ATXN1: variants seen among roughly 807,000 people sequenced by gnomAD.
ATXN1 encodes ataxin 1.
Under a neutral mutation model 56.4 loss-of-function variants are expected in ATXN1, and 8 were observed. The observed-to-expected ratio is 0.14, with a 90% confidence interval of 0.08 to 0.26. The LOEUF is 0.26. Among genes scored for constraint, ATXN1 ranks in the 10% least tolerant of loss-of-function variants. ATXN1 has a pLI of 1.00. For missense variants in ATXN1, 987 were observed against 1,106.5 expected, an observed-to-expected ratio of 0.89 and a Z score of 1.53; for synonymous variants, 514 against 494.6, an observed-to-expected ratio of 1.04 and a Z score of -0.52.
At chr6:16,476,292 T>C (rs1296928048) in intron 6 of ATXN1, among the ~76,000 whole-genome samples, 2 of 152,192 alleles carry the variant, frequency 1.3e-5, no homozygotes, top group Non-Finnish European at 2.9e-5. Context: ...AAGAAAAGAA[T>C]ATGAAGCACG....
chr6:16,465,091 A>G (rs958536277), intron 6 of ATXN1, among the ~76,000 whole-genome samples: 2 of 152,150 alleles, frequency 1.3e-5, no homozygotes, highest in African/African-American at 4.8e-5. Context: ...CAACAACAAC[A>G]CTGCACTGAC....
intron 5 of ATXN1, among the ~76,000 whole-genome samples, chr6:16,492,360 C>T (rs1760684504): frequency 6.6e-6 from 1 of 151,726 alleles, no homozygotes; most frequent in African/African-American, 2.4e-5. Flanking sequence ...ACCAGCATGG[C>T]ACATGTATAC....
intron 3 of ATXN1, among the ~76,000 whole-genome samples, chr6:16,628,255 GTTTA>G (rs556416030): frequency 1.2e-3 from 179 of 152,208 alleles, no homozygotes; most frequent in South Asian, 5.8e-3. Context: ...TTGATTTTTG[GTTTA>G]TTTGTTTGTT....
At chr6:16,361,553 C>T (rs1370973001) in intron 6 of ATXN1, among the ~76,000 whole-genome samples, 1 of 152,150 alleles carries the variant, frequency 6.6e-6, no homozygotes. Flanking sequence ...AAAAACGTAA[C>T]TTGTCCCCTA....
At position 16,452,628 on chromosome 6, in the gene ATXN1, G is replaced by T. The variant is rs142525842; in HGVS notation, c.-161+33344C>A. On this transcript the variant is annotated intron_variant, in intron 6 of 7. Transcript: ENST00000436367. Reference sequence around the variant, plus strand: ...GCTGATTTTTTTCCCACTCTCACTGGTGTGAGATTTTAAAGACATTCCTTC... The same window carrying T: ...GCTGATTTTTTTCCCACTCTCACTGTTGTGAGATTTTAAAGACATTCCTTC... Among the ~76,000 whole-genome samples the T allele has an allele frequency of 3.9e-5, 6 of 152,302 alleles. No homozygotes were observed. The East Asian group carries it at 9.6e-4, about 24-fold the overall frequency.
chr6:16,728,821 G>A (rs908761746), intron 2 of ATXN1, among the ~76,000 whole-genome samples: 7 of 152,172 alleles, frequency 4.6e-5, no homozygotes, highest in East Asian at 1.9e-4. Context: ...GATGAGGGAC[G>A]CAGGCACAAC....
intron 3 of ATXN1, among the ~76,000 whole-genome samples, chr6:16,621,107 A>T (rs761196903): frequency 6.6e-6 from 1 of 152,240 alleles, no homozygotes; most frequent in African/African-American, 2.4e-5. Context: ...AGAAAGAGAC[A>T]AATGAGCGCA....
chr6:16,423,667 A>G (rs947852142), intron 6 of ATXN1, among the ~76,000 whole-genome samples: 1 of 152,178 alleles, frequency 6.6e-6, no homozygotes, highest in Non-Finnish European at 1.5e-5. Context: ...CAGGCTCTCA[A>G]GGATTAACCT....
chr6:16,462,212 A>C (rs1760013645), intron 6 of ATXN1, among the ~76,000 whole-genome samples: 1 of 151,948 alleles, frequency 6.6e-6, no homozygotes, highest in Non-Finnish European at 1.5e-5. Context: ...CTCTACCCCC[A>C]CTGCAGTTAA....
intron 2 of ATXN1, among the ~76,000 whole-genome samples, chr6:16,743,840 C>T (rs990263448): frequency 3.3e-5 from 5 of 151,982 alleles, no homozygotes; most frequent in Admixed American, 6.6e-5. Flanking sequence ...CAGAGTATGG[C>T]ACTTGAAGGA....
At chr6:16,538,056 T>G (rs577301453) in intron 4 of ATXN1, among the ~76,000 whole-genome samples, 2 of 152,210 alleles carry the variant, frequency 1.3e-5, no homozygotes, top group African/African-American at 4.8e-5. Flanking sequence ...CTTCCCAGAT[T>G]AGTGCACTTG....
chr6:16,586,711 T>A (rs962864479), intron 3 of ATXN1, among the ~76,000 whole-genome samples: 1 of 152,152 alleles, frequency 6.6e-6, no homozygotes, highest in Non-Finnish European at 1.5e-5. Flanking sequence ...TACCAACACT[T>A]CTGTAGTTAG....
At chr6:16,439,909 T>C (rs561107911) in intron 6 of ATXN1, among the ~76,000 whole-genome samples, 80 of 151,930 alleles carry the variant, frequency 5.3e-4, no homozygotes, top group African/African-American at 1.6e-3. Flanking sequence ...ACCCCATCTT[T>C]ACCAAAAATA....
chr6:16,675,559 G>A (rs899805660), intron 2 of ATXN1, among the ~76,000 whole-genome samples: 6 of 152,034 alleles, frequency 3.9e-5, no homozygotes, highest in Non-Finnish European at 8.8e-5. Context: ...GTTTTTTCAG[G>A]GAGAGGTGGA....
At chr6:16,486,572 A>C (rs1041615225) in intron 5 of ATXN1, among the ~76,000 whole-genome samples, 1 of 152,126 alleles carries the variant, frequency 6.6e-6, no homozygotes, top group Non-Finnish European at 1.5e-5. Flanking sequence ...TGAGCTCTGG[A>C]GCCAGAATAC....
At chr6:16,736,485 G>A (rs1416782517) in intron 2 of ATXN1, among the ~76,000 whole-genome samples, 2 of 152,032 alleles carry the variant, frequency 1.3e-5, no homozygotes, top group African/African-American at 2.4e-5. Flanking sequence ...ATGCTAGAGG[G>A]GAATTATCTT....
At chr6:16,616,603 A>C (rs185191083) in intron 3 of ATXN1, among the ~76,000 whole-genome samples, 1 of 145,820 alleles carries the variant, frequency 6.9e-6, no homozygotes. Flanking sequence ...ATTATATACT[A>C]TATATAAAAT....
intron 6 of ATXN1, among the ~76,000 whole-genome samples, chr6:16,377,816 T>C (rs1266054487): frequency 6.6e-6 from 1 of 152,206 alleles, no homozygotes. Context: ...AAAATGCTTG[T>C]AAAACTATGG....
intron 6 of ATXN1, among the ~76,000 whole-genome samples, chr6:16,380,430 T>G (rs1321257498): frequency 6.6e-6 from 1 of 152,128 alleles, no homozygotes; most frequent in Non-Finnish European, 1.5e-5. Context: ...TGGATTTCTG[T>G]GTTTAGGCTC....
Sources: gnomAD v4.1 joint callset for allele counts (sites outside exome capture counted in the v4.1 genomes callset) on GRCh38, gnomAD v4.1.1 for gene constraint, MANE v1.5 for transcripts, NCBI Gene and HGNC (gene_info 2026-07-23, HGNC 2026-07-21) for gene names.